PRRT4: variants seen among roughly 807,000 people sequenced by gnomAD.
The protein encoded by PRRT4 is proline rich transmembrane protein 4.
PRRT4 carries 59 observed loss-of-function variants against 55.6 expected under a neutral mutation model. The observed-to-expected ratio is 1.06, with a 90% CI of 0.86 to 1.32. The LOEUF is 1.32. Among genes scored for constraint, PRRT4 ranks in the 40% most tolerant of loss-of-function variants. The pLI, the probability that PRRT4 is intolerant of heterozygous loss-of-function variation, is 0.00. For missense variants in PRRT4, 1,217 were observed against 1,222.0 expected (o/e 1.00, Z 0.06); for synonymous variants, 606 against 601.8 (o/e 1.01, Z -0.10).
At chr7:128,352,898 C>T (rs1797031468) in intron 4 of PRRT4, among the ~76,000 whole-genome samples, 1 of 152,028 alleles carries the variant, frequency 6.6e-6, no homozygotes, top group African/African-American at 2.4e-5. Flanking sequence ...TTCCCCTCTT[C>T]CTTCTCCTAC....
Position 128,351,464 on chromosome 7 carries a change from C to A in PRRT4, c.2092G>T (p.Glu698Ter), listed in dbSNP as rs1465302317. 1.3e-6 allele frequency: 2 copies of A among 1,520,898 alleles called. No homozygotes were observed. Among genetic ancestry groups the A allele is most frequent in the African/African-American group, 2.8e-5 (2 of 72,366 alleles). The allele number at this position is 1,520,898 out of a possible 1,614,324, so 94.2% of individuals were successfully genotyped here. The change falls in exon 5 of 5, where the codon GAA (glutamate) becomes TAA (stop). Residue 698 changes from glutamate (E) to a stop codon, truncating the protein, a stop_gained. Transcript: ENST00000535159. LOFTEE classifies it high-confidence loss of function. ...GGGGCCGGGTTGGCCGCCGCGCCTT[C>A]GAAGCCCCGGCAACCTCCGCCCTGG... is the stretch of plus-strand genomic sequence containing the variant.
exon 5 of PRRT4, chr7:128,351,718 A>G: frequency 6.8e-7 from 1 of 1,480,844 alleles, no homozygotes; most frequent in Non-Finnish European, 8.9e-7. Flanking sequence ...CGCCAACGGG[A>G]GCGCGACGCC....
At chr7:128,352,371 G>T in exon 5 of PRRT4, 1 of 1,525,062 alleles carries the variant, frequency 6.6e-7, no homozygotes. Context: ...GGCAGGGGGC[G>T]CCGGGCGGGC....
exon 5 of PRRT4, chr7:128,351,621 C>G: frequency 1.3e-6 from 2 of 1,511,802 alleles, no homozygotes; most frequent in Non-Finnish European, 1.8e-6. Context: ...GCAGCGGAGC[C>G]GCGTGGCCCG....
In PRRT4 at chr7:128,358,040, G is replaced by A. The variant is rs2116486344; in HGVS notation, c.877+641C>T. ...AGCAAGTACTATTATTAAACCCTGG[G>A]TCTATGAGAAAATTTAGGTTCAGAG... On this transcript the variant is annotated intron_variant, in intron 4 of 4. Transcript: ENST00000535159. This position sits in a 1 kb window ranked among gnomAD's most constrained non-coding sequence, Gnocchi z 4.4. Among the ~76,000 whole-genome samples, 2 of 152,304 alleles carry A rather than the reference G, an allele frequency of 1.3e-5. No individual in the cohort carries two copies. Among genetic ancestry groups the A allele is most frequent in the South Asian group, 4.1e-4 (2 of 4,820 alleles).
At chr7:128,360,018 G>T in exon 2 of PRRT4, 1 of 1,303,012 alleles carries the variant, frequency 7.7e-7, no homozygotes. Flanking sequence ...GGGTGGCCTT[G>T]GTGGGCAGGG....
chr7:128,359,761 G>A (rs553257056), exon 2 of PRRT4: 2 of 1,549,326 alleles, frequency 1.3e-6, no homozygotes, highest in South Asian at 1.2e-5. Context: ...GCCCAAGAGA[G>A]AGTGGCTGGG....
exon 5 of PRRT4, chr7:128,351,457 G>T (rs1324062662): frequency 1.3e-6 from 2 of 1,521,974 alleles, no homozygotes; most frequent in African/African-American, 2.8e-5. Context: ...GTTGGCCGCC[G>T]CGCCTTCGAA....
At chr7:128,350,432 A>T (rs1247480436), downstream of PRRT4, 1 of 217,846 alleles carries the variant, frequency 4.6e-6, no homozygotes, top group Non-Finnish European at 9.3e-6. Context: ...CATGGAGGAA[A>T]GGGAGTCCCA....
intron 4 of PRRT4, among the ~76,000 whole-genome samples, chr7:128,357,860 T>G (rs1055900718): frequency 6.6e-6 from 1 of 152,148 alleles, no homozygotes; most frequent in Non-Finnish European, 1.5e-5. Flanking sequence ...GTTTGTGTTG[T>G]CCCACCACTG....
exon 5 of PRRT4, chr7:128,351,902 C>T: frequency 7.6e-7 from 1 of 1,323,352 alleles, no homozygotes; most frequent in Non-Finnish European, 9.6e-7. Flanking sequence ...CGCCAGGACT[C>T]CCGAGGGGCG....
intron 4 of PRRT4, among the ~76,000 whole-genome samples, chr7:128,354,867 G>C (rs1447321958): frequency 6.6e-6 from 1 of 152,164 alleles, no homozygotes; most frequent in Non-Finnish European, 1.5e-5. Flanking sequence ...AGTACCTACT[G>C]CATAGGACTG....
chr7:128,356,154 G>A (rs1277021553), intron 4 of PRRT4, among the ~76,000 whole-genome samples: 1 of 152,128 alleles, frequency 6.6e-6, no homozygotes, highest in Non-Finnish European at 1.5e-5. Flanking sequence ...AGATACTCAG[G>A]AGGCTGAGGC....
chr7:128,359,098 C>T, intron 3 of PRRT4, 51 bp downstream of exon 4: 1 of 1,523,874 alleles, frequency 6.6e-7, no homozygotes. Flanking sequence ...TAGCACAGCG[C>T]TTGGCACGTA....
intron 4 of PRRT4, among the ~76,000 whole-genome samples, chr7:128,352,989 A>G (rs359638): frequency 0.052 from 7,906 of 152,088 alleles, 615 homozygotes; most frequent in African/African-American, 0.17. Flanking sequence ...TTGAAGTCAC[A>G]GAACTTTACA....
exon 5 of PRRT4, chr7:128,351,117 G>A: frequency 6.5e-7 from 1 of 1,548,196 alleles, no homozygotes; most frequent in Non-Finnish European, 8.7e-7. Flanking sequence ...GCATGGACGA[G>A]CTGTCCCGCG....
exon 5 of PRRT4, chr7:128,351,208 G>A (rs75191863): frequency 0.022 from 33,300 of 1,540,774 alleles, 482 homozygotes; most frequent in Middle Eastern, 0.042. Context: ...GGGCGCAGCG[G>A]GGCCAGAGGC....
chr7:128,350,613 A>T, downstream of PRRT4: 1 of 591,192 alleles, frequency 1.7e-6, no homozygotes, highest in Middle Eastern at 4.6e-4. Flanking sequence ...GGAAAATGGG[A>T]CCCCTGCCAA....
intron 4 of PRRT4, among the ~76,000 whole-genome samples, chr7:128,353,217 T>C (rs1797039181): frequency 1.3e-5 from 2 of 152,276 alleles, no homozygotes; most frequent in African/African-American, 4.8e-5. Context: ...CAAAGTGACC[T>C]GCCCAAGGTC....
Sources: allele counts gnomAD v4.1 joint callset (sites outside exome capture counted in the v4.1 genomes callset), GRCh38; gene constraint gnomAD v4.1.1; non-coding constraint Gnocchi (gnomAD v3.1); transcripts MANE v1.5; gene names NCBI Gene and HGNC (gene_info 2026-07-23, HGNC 2026-07-21).